Variants in COG4 observed in about 807,000 individuals in gnomAD.
The protein encoded by COG4 is conserved oligomeric Golgi complex subunit 4.
A neutral mutation model predicts 95.1 loss-of-function variants in COG4; 65 were observed. That is an observed-to-expected ratio of 0.68 (90% CI 0.56 to 0.84). The LOEUF (loss-of-function observed/expected upper bound fraction) is 0.84, where lower values mean the gene tolerates loss of function less well. Among genes scored for constraint, COG4 ranks in the 40% least tolerant of loss-of-function variants. COG4 has a pLI of 0.00. For synonymous variants in COG4, 421 were observed against 374.8 expected (o/e 1.12, Z -1.42); for missense variants, 1,045 against 989.1 (o/e 1.06, Z -0.76).
chr16:70,515,467 C>T (rs993026787), intron 3 of COG4, among the ~76,000 whole-genome samples: 3 of 152,002 alleles, frequency 2.0e-5, no homozygotes, highest in African/African-American at 4.8e-5. Flanking sequence ...GGGTGGATCA[C>T]GAGGTCAGGA....
chr16:70,505,958 C>A (rs970923531), intron 8 of COG4, among the ~76,000 whole-genome samples: 8 of 151,392 alleles, frequency 5.3e-5, no homozygotes, highest in Non-Finnish European at 7.4e-5. Flanking sequence ...CCATCCTGGG[C>A]AACATAGCAA....
In COG4 at chr16:70,481,828, C is replaced by A; in HGVS notation, c.2042G>T (p.Gly681Val). 1.2e-6 allele frequency: 2 copies of A among 1,614,038 alleles called. No individual in the cohort carries two copies. Among genetic ancestry groups the A allele is most frequent in the Non-Finnish European group, 1.7e-6 (2 of 1,180,014 alleles). ...GACGGCAACAAGGCTAGTCATGAGG[C>A]CGGTTAGGCTGTCGTAGATGACCGG... ...LSPVIYDSLTGLMTSLVAVEL... is the reference protein window; with the variant it reads ...LSPVIYDSLTVLMTSLVAVEL... Residue 681 changes from glycine (G) to valine (V), a missense_variant, in exon 17 of 19, where the codon GGC becomes GTC. Gly to Val is a moderately radical substitution (Grantham distance 109). Coordinates refer to ENST00000323786, the MANE Select transcript of COG4 (RefSeq NM_015386.3).
At chr16:70,482,863 G>A (rs751581105) in intron 14 of COG4, 42 bp from the exon 15 acceptor site, 23 of 1,461,640 alleles carry the variant, frequency 1.6e-5, no homozygotes, top group Admixed American at 6.7e-5. Flanking sequence ...CAGAAGGCAC[G>A]ACTCATCCCT....
At chr16:70,509,177 A>T in intron 7 of COG4, 54 bp downstream of exon 7, 1 of 1,604,716 alleles carries the variant, frequency 6.2e-7, no homozygotes, top group Non-Finnish European at 8.5e-7. Context: ...TATTCTACTC[A>T]GTGTTCCTCG....
Position 70,510,466 on chromosome 16 carries a change from G to A in COG4, c.739-445C>T, listed in dbSNP as rs577546755. Among the ~76,000 whole-genome samples, 3 of 152,262 alleles carry A rather than the reference G, an allele frequency of 2.0e-5. No homozygotes were observed. In the East Asian group the frequency reaches 5.8e-4, roughly 29 times the overall value. On this transcript the variant is annotated intron_variant, in intron 5 of 18. Transcript: ENST00000323786. Reference sequence around the variant, plus strand: ...GCCTCCTGAGTAGCTGGAACTATAGGCGAGAGCCACCATGCCCGGCTAATT... The same window carrying A: ...GCCTCCTGAGTAGCTGGAACTATAGACGAGAGCCACCATGCCCGGCTAATT...
At chr16:70,496,057 T>C (rs2049333320) in intron 12 of COG4, among the ~76,000 whole-genome samples, 1 of 152,192 alleles carries the variant, frequency 6.6e-6, no homozygotes, top group African/African-American at 2.4e-5. Context: ...CCAGCCTCTA[T>C]CGTGGCTCAG....
chr16:70,501,785 G>A (rs990276283), intron 8 of COG4, among the ~76,000 whole-genome samples: 1 of 151,724 alleles, frequency 6.6e-6, no homozygotes, highest in African/African-American at 2.4e-5. Flanking sequence ...ATGAGTAGCT[G>A]GGATTACAGG....
At chr16:70,510,214 C>G (rs2049672122) in intron 5 of COG4, among the ~76,000 whole-genome samples, 193 bp from the exon 6 acceptor site, 1 of 152,222 alleles carries the variant, frequency 6.6e-6, no homozygotes, top group Non-Finnish European at 1.5e-5. Context: ...GGAAAGTGAG[C>G]ATGGTGTAGC....
In COG4 at chr16:70,509,335, G is replaced by T; in HGVS notation, c.898C>A (p.Pro300Thr). The T allele has an allele frequency of 6.2e-7, 1 of 1,614,082 alleles. No individual in the cohort carries two copies. The highest frequency in any genetic ancestry group is 2.2e-5 in the East Asian group (1 of 44,876). ...HQPIVETYYG[P>T]GRLYTLIKYL... ...TTGATCAGGGTATAGAGTCTCCCTGGCCCATAATAGGTCTCCACTATTGGC... is the reference window on the plus strand; with the variant it reads ...TTGATCAGGGTATAGAGTCTCCCTGTCCCATAATAGGTCTCCACTATTGGC... Residue 300 changes from proline to threonine, a missense_variant, in exon 7 of 19, where the codon CCA becomes ACA. Coordinates refer to ENST00000323786, the MANE Select transcript of COG4 (RefSeq NM_015386.3).
Position 70,482,078 on chromosome 16 carries a change from G to A in COG4, c.2004+14C>T. On this transcript the variant is annotated intron_variant, in intron 16 of 18. Coordinates refer to ENST00000323786, the MANE Select transcript of COG4 (RefSeq NM_015386.3). Reference sequence around the variant, plus strand: ...GGGTAATTCCCTAAGTGGATCCCTAGGGCCCCTGCTCACCTTGAACTCTGC... The same window carrying A: ...GGGTAATTCCCTAAGTGGATCCCTAAGGCCCCTGCTCACCTTGAACTCTGC... 3 of 1,607,076 alleles carry A rather than the reference G, an allele frequency of 1.9e-6. 1 individual carries two copies. The highest frequency in any genetic ancestry group is 8.5e-7 in the Non-Finnish European group (1 of 1,173,604).
chr16:70,493,978 C>A (rs1173393756), intron 12 of COG4, among the ~76,000 whole-genome samples: 1 of 152,084 alleles, frequency 6.6e-6, no homozygotes, highest in African/African-American at 2.4e-5. Context: ...GATCTCAGAA[C>A]CCCAGGGGCT....
rs576446731 is a variant in COG4 at position 70,502,316 on chromosome 16, C to T, written c.1062-1225G>A. Among the ~76,000 whole-genome samples, 71 of 140,774 alleles carry T rather than the reference C, an allele frequency of 5.0e-4. No individual in the cohort carries two copies. The East Asian group carries it at 0.013, about 25-fold the overall frequency. The allele number at this position is 140,774 out of a possible 152,430, so 92.4% of individuals were successfully genotyped here. A position where few individuals can be genotyped will look rare whatever the true frequency, so the allele number is the denominator to read the frequency against. ...AAAAAAAAAAAAAAAAAAAAGAGGC[C>T]GGGCGCAGTGGCTCACGCCTGTAAT... On this transcript the variant is annotated intron_variant, in intron 8 of 18. Coordinates refer to ENST00000323786, the MANE Select transcript of COG4 (RefSeq NM_015386.3).
chr16:70,514,202 G>A (rs576124499), intron 4 of COG4, 133 bp downstream of exon 4: 159 of 905,450 alleles, frequency 1.8e-4, no homozygotes, highest in Admixed American at 6.6e-4. Context: ...GCAAGACTCC[G>A]TCTCAAAAAA....
rs916013566 is a variant in COG4, at chr16:70,522,101, A to T, written c.171+1272T>A. 5.5e-5 allele frequency among the ~76,000 whole-genome samples: 7 copies of T among 127,390 alleles called. No homozygotes were observed. In the South Asian group the frequency reaches 1.0e-3, roughly 18 times the overall value. The allele number at this position is 127,390 out of a possible 152,430, so 83.6% of individuals were successfully genotyped here. A position where few individuals can be genotyped will look rare whatever the true frequency, so the allele number is the denominator to read the frequency against. On this transcript the variant is annotated intron_variant, in intron 1 of 18. Transcript: ENST00000323786. Reference sequence around the variant, plus strand: ...CAACCTCCGCCTCCCAGGTTCAAGCAATTCTCCTGCCTCAGCCTCCCGAGT... The same window carrying T: ...CAACCTCCGCCTCCCAGGTTCAAGCTATTCTCCTGCCTCAGCCTCCCGAGT...
At chr16:70,519,542 AT>A in intron 2 of COG4, 106 bp downstream of exon 2, 1 of 783,288 alleles carries the variant, frequency 1.3e-6, no homozygotes. Flanking sequence ...TACCCTTTAC[AT>A]TTCAAGCTGA....
Position 70,498,073 on chromosome 16 carries a change from A to AAG in COG4, c.1196-20_1196-19dup, listed in dbSNP as rs770949518. On this transcript the variant is annotated intron_variant, in intron 9 of 18. Coordinates refer to ENST00000323786, the MANE Select transcript of COG4 (RefSeq NM_015386.3). The stretch of plus-strand genomic sequence containing the variant: ...CTGGTGCTCTAGGGGACAGCCAAGA[A>AAG]AGGAATACTCATTTTTTTTCCCCAA... The AAG allele has an allele frequency of 1.3e-6, 2 of 1,511,202 alleles. No homozygotes were observed. The highest frequency in any genetic ancestry group is 1.8e-6 in the Non-Finnish European group (2 of 1,086,188). 93.6% of individuals were successfully genotyped at this position (1,511,202 alleles called of 1,614,324 possible).
At chr16:70,515,982 C>A (rs758632793) in intron 3 of COG4, 1 of 455,924 alleles carries the variant, frequency 2.2e-6, no homozygotes, top group Admixed American at 2.4e-5. Context: ...TGTGGTTTTT[C>A]ACAGATGCTC....
At chr16:70,506,469 A>G (rs1339078006) in intron 8 of COG4, among the ~76,000 whole-genome samples, 1 of 150,078 alleles carries the variant, frequency 6.7e-6, no homozygotes, top group Non-Finnish European at 1.5e-5. Context: ...GCACCTGCCT[A>G]CAGTCCCAGC....
rs2151752158 is a variant in COG4 at position 70,501,333 on chromosome 16, G to C, written c.1062-242C>G. 5.6e-6 allele frequency: 3 copies of C among 539,152 alleles called. 1 individual carries two copies. The East Asian group carries it at 9.7e-5, about 17-fold the overall frequency. 33.4% of individuals were successfully genotyped at this position (539,152 alleles called of 1,614,324 possible). Reference sequence around the variant, plus strand: ...AAAATTCTGCCAGACCTAAATAAAAGGTTGGGAGATGTGTCTTCTTTTCTT... The same window carrying C: ...AAAATTCTGCCAGACCTAAATAAAACGTTGGGAGATGTGTCTTCTTTTCTT... On this transcript the variant is annotated intron_variant, in intron 8 of 18. Transcript: ENST00000323786.
Sources: allele counts gnomAD v4.1 joint callset (sites outside exome capture counted in the v4.1 genomes callset), GRCh38; gene constraint gnomAD v4.1.1; transcripts MANE v1.5; gene names NCBI Gene and HGNC (gene_info 2026-07-23, HGNC 2026-07-21).